Variants in CNTNAP3 observed in about 807,000 individuals in gnomAD.
The protein encoded by CNTNAP3 is contactin associated protein family member 3.
In CNTNAP3, 36 loss-of-function variants were observed where a neutral mutation model predicts 92.1. That is an observed-to-expected ratio of 0.39 (90% CI 0.30 to 0.52). The LOEUF (loss-of-function observed/expected upper bound fraction) is 0.52, where lower values mean the gene tolerates loss of function less well. Among genes scored for constraint, CNTNAP3 ranks in the 20% least tolerant of loss-of-function variants. The probability of loss-of-function intolerance (pLI) is 0.76; values close to 1 mark genes in which losing one functional copy is unlikely to be tolerated. For missense variants in CNTNAP3, 534 were observed against 1,069.6 expected (o/e 0.50, Z 6.98); for synonymous variants, 232 against 422.3 (o/e 0.55, Z 5.53).
At chr9:39,102,421 T>C (rs1238414292) in intron 17 of CNTNAP3, 76 bp downstream of exon 17, 11 of 1,561,212 alleles carry the variant, frequency 7.0e-6, no homozygotes, top group Non-Finnish European at 9.6e-6. Context: ...TTGCTCTCAG[T>C]ACATCACAGT....
At chr9:39,217,400 A>ATATATGTATATATATATT (rs1440827881) in intron 3 of CNTNAP3, among the ~76,000 whole-genome samples, 1 of 19,938 alleles carries the variant, frequency 5.0e-5, no homozygotes, top group African/African-American at 8.2e-5. Flanking sequence ...ATATATATAT[A>ATATATGTATATATATATT]TTCATTGTGG....
At chr9:39,077,059 T>A (rs936235367) in intron 23 of CNTNAP3, among the ~76,000 whole-genome samples, 2 of 152,288 alleles carry the variant, frequency 1.3e-5, no homozygotes, top group Admixed American at 6.5e-5. Context: ...AAAAAAAGTT[T>A]TCATTGCCAA....
intron 12 of CNTNAP3, among the ~76,000 whole-genome samples, chr9:39,138,320 G>A (rs1286074830): frequency 3.9e-5 from 6 of 152,076 alleles, no homozygotes; most frequent in African/African-American, 1.4e-4. Context: ...GTCCTTTAGG[G>A]AGCCTTAGCC....
At chr9:39,136,937 G>T (rs541069728) in intron 12 of CNTNAP3, among the ~76,000 whole-genome samples, 1 of 152,256 alleles carries the variant, frequency 6.6e-6, no homozygotes, top group African/African-American at 2.4e-5. Context: ...GAATTCTATA[G>T]TTTGAAAATA....
At chr9:39,148,135 A>G (rs1368009918) in intron 10 of CNTNAP3, among the ~76,000 whole-genome samples, 1 of 151,906 alleles carries the variant, frequency 6.6e-6, no homozygotes, top group Non-Finnish European at 1.5e-5. Flanking sequence ...CCACGACTAC[A>G]GAGTGGGGTT....
chr9:39,098,212 G>A (rs1587705513), intron 18 of CNTNAP3, among the ~76,000 whole-genome samples: 1 of 145,456 alleles, frequency 6.9e-6, no homozygotes, highest in East Asian at 2.1e-4. Flanking sequence ...AGGGCTTTCA[G>A]ATTCTCTTAA....
chr9:39,091,430 GAC>G (rs891767528), intron 18 of CNTNAP3, among the ~76,000 whole-genome samples: 1 of 152,058 alleles, frequency 6.6e-6, no homozygotes, highest in African/African-American at 2.4e-5. Context: ...TTTATCAAAT[GAC>G]TTTTCTGCAT....
intron 12 of CNTNAP3, among the ~76,000 whole-genome samples, chr9:39,134,639 G>T (rs1416418441): frequency 2.6e-5 from 4 of 152,046 alleles, no homozygotes; most frequent in Non-Finnish European, 1.5e-5. Flanking sequence ...TGTTGGCCAG[G>T]CTGGTCTTGA....
intron 9 of CNTNAP3, chr9:39,159,345 A>G (rs578065247): frequency 9.4e-5 from 13 of 138,988 alleles, no homozygotes; most frequent in African/African-American, 3.5e-4. Context: ...CTCTTTGGTC[A>G]TATATATATA....
chr9:39,118,752 G>T (rs1328919923), intron 13 of CNTNAP3, among the ~76,000 whole-genome samples: 1 of 152,218 alleles, frequency 6.6e-6, no homozygotes, highest in East Asian at 1.9e-4. Flanking sequence ...ATTTTTGGAG[G>T]TATTTGTTTT....
intron 18 of CNTNAP3, among the ~76,000 whole-genome samples, chr9:39,092,545 TTA>T (rs377462536): frequency 2.0e-4 from 26 of 130,836 alleles, no homozygotes; most frequent in African/African-American, 2.8e-4. Context: ...CACAATTTCT[TTA>T]TGTTATTATT....
chr9:39,097,886 A>C (rs531250411), intron 18 of CNTNAP3, among the ~76,000 whole-genome samples: 1 of 151,044 alleles, frequency 6.6e-6, no homozygotes, highest in African/African-American at 2.4e-5. Flanking sequence ...TTTTTAAAAT[A>C]ATAATTTTTA....
rs1419010091 is a variant in CNTNAP3 at position 39,092,645 on chromosome 9, C to CT, written c.2996-3999dup. Among the ~76,000 whole-genome samples, 3 of 136,826 alleles carry CT rather than the reference C, an allele frequency of 2.2e-5. 1 individual carries two copies. Among genetic ancestry groups the CT allele is most frequent in the Non-Finnish European group, 4.8e-5 (3 of 62,570 alleles). 89.8% of individuals were successfully genotyped at this position (136,826 alleles called of 152,430 possible). ...GCTTGATTTACAGGTAGCATGTTGT[C>CT]TAACCTAGAATATGTTCCATGAACA... On this transcript the variant is annotated intron_variant, in intron 18 of 23. Transcript: ENST00000297668.
At chr9:39,143,506 G>T (rs1821627756) in intron 11 of CNTNAP3, among the ~76,000 whole-genome samples, 2 of 152,096 alleles carry the variant, frequency 1.3e-5, no homozygotes, top group Non-Finnish European at 2.9e-5. Context: ...TGGGGGCCAA[G>T]TTACTTAACC....
chr9:39,077,103 T>C (rs1273929788), intron 23 of CNTNAP3, among the ~76,000 whole-genome samples: 2 of 152,238 alleles, frequency 1.3e-5, no homozygotes, highest in East Asian at 3.8e-4. Context: ...ACTTCACTTT[T>C]CTTCAATTAA....
chr9:39,111,183 C>T (rs1046204161), intron 14 of CNTNAP3, among the ~76,000 whole-genome samples: 6 of 152,086 alleles, frequency 3.9e-5, no homozygotes, highest in African/African-American at 1.5e-4. Context: ...GTGGTGGGAA[C>T]ATTACAATTC....
chr9:39,204,893 A>G, intron 3 of CNTNAP3, among the ~76,000 whole-genome samples: 1 of 41,632 alleles, frequency 2.4e-5, no homozygotes, highest in African/African-American at 2.3e-4. Context: ...TCTGAAATGA[A>G]ATTTTTTTAA....
chr9:39,077,849 T>C (rs540848200), intron 23 of CNTNAP3, among the ~76,000 whole-genome samples: 1 of 152,140 alleles, frequency 6.6e-6, no homozygotes, highest in Non-Finnish European at 1.5e-5. Context: ...AAAAATTGTT[T>C]CGGCAGAATT....
chr9:39,102,823 C>G lies in CNTNAP3; in HGVS notation c.2537-108G>C, dbSNP rs1464480972. The stretch of plus-strand genomic sequence containing the variant: ...CGCTCAGGATGGAAGGAGATAATGA[C>G]GGCGATGCAGAAAAACGGGACTGTG... On this transcript the variant is annotated intron_variant, in intron 16 of 23. Transcript: ENST00000297668. 7 of 1,313,682 alleles carry G rather than the reference C, an allele frequency of 5.3e-6. No individual in the cohort carries two copies. The African/African-American group carries it at 9.0e-5, about 17-fold the overall frequency. 81.4% of individuals were successfully genotyped at this position (1,313,682 alleles called of 1,614,324 possible). A position where few individuals can be genotyped will look rare whatever the true frequency, so the allele number is the denominator to read the frequency against.
Sources: gnomAD v4.1 joint callset for allele counts (sites outside exome capture counted in the v4.1 genomes callset) on GRCh38, gnomAD v4.1.1 for gene constraint, MANE v1.5 for transcripts, NCBI Gene and HGNC (gene_info 2026-07-23, HGNC 2026-07-21) for gene names.